The following ELMO1 variants were observed in gnomAD, a reference collection of about 807,000 sequenced individuals.
ELMO1 encodes engulfment and cell motility 1.
In ELMO1, 26 loss-of-function variants were observed where a neutral mutation model predicts 98.9. The ratio of observed to expected loss-of-function variants is 0.26; its 90% confidence interval spans 0.19 to 0.36. The LOEUF (loss-of-function observed/expected upper bound fraction) is 0.36, where lower values mean the gene tolerates loss of function less well. Among genes scored for constraint, ELMO1 ranks in the 10% least tolerant of loss-of-function variants. The pLI, the probability that ELMO1 is intolerant of heterozygous loss-of-function variation, is 1.00. For missense variants in ELMO1, 627 were observed against 935.2 expected (o/e 0.67, Z 4.30); for synonymous variants, 346 against 346.0 (o/e 1.00, Z 0.00).
intron 20 of ELMO1, among the ~76,000 whole-genome samples, chr7:36,865,748 T>C (rs1033284275): frequency 2.0e-5 from 3 of 152,214 alleles, no homozygotes; most frequent in African/African-American, 7.2e-5. Context: ...ACATATTGAA[T>C]TGTAATTGCA....
Position 37,175,598 on chromosome 7 carries a change from C to T in ELMO1, c.1086+35788G>A, listed in dbSNP as rs146548466. ...CTGTGGCTCATGCCTGTAATCCTAG[C>T]ACTTTGGGAGGCCAAGGCAGGCAGA... On this transcript the variant is annotated intron_variant, in intron 13 of 21. Coordinates refer to ENST00000310758, the MANE Select transcript of ELMO1 (RefSeq NM_014800.11). Among the ~76,000 whole-genome samples, 815 of 152,304 alleles carry T rather than the reference C, an allele frequency of 5.4e-3. 5 individuals carry two copies. Among genetic ancestry groups the T allele is most frequent in the African/African-American group, 0.019 (788 of 41,562 alleles).
rs538770299 is a variant in ELMO1, at chr7:36,859,261, G to A, written c.1983+2398C>T. ...GACATCTGAAAACTGACTGCACATG[G>A]TTTAATAAATAAATACCACATTATT... On this transcript the variant is annotated intron_variant, in intron 21 of 21. Coordinates refer to ENST00000310758, the MANE Select transcript of ELMO1 (RefSeq NM_014800.11). Among the ~76,000 whole-genome samples the A allele has an allele frequency of 7.9e-5, 12 of 152,298 alleles. No homozygotes were observed. The South Asian group carries it at 1.0e-3, about 13-fold the overall frequency.
chr7:37,367,388 T>G (rs1201418227), intron 1 of ELMO1, among the ~76,000 whole-genome samples: 1 of 152,206 alleles, frequency 6.6e-6, no homozygotes, highest in African/African-American at 2.4e-5. Context: ...GTAAACTCTA[T>G]GAGGGCAGGG....
chr7:36,946,058 G>A (rs751767513), intron 16 of ELMO1, among the ~76,000 whole-genome samples: 3 of 152,246 alleles, frequency 2.0e-5, no homozygotes, highest in African/African-American at 2.4e-5. Flanking sequence ...CACAGCAGAG[G>A]TAGCCTGAGC....
At chr7:37,025,765 T>C (rs1794530653) in intron 15 of ELMO1, among the ~76,000 whole-genome samples, 1 of 151,936 alleles carries the variant, frequency 6.6e-6, no homozygotes, top group African/African-American at 2.4e-5. Context: ...TCAGCCTTCA[T>C]AACTACATGA....
At chr7:37,082,150 C>T (rs893211070) in intron 15 of ELMO1, among the ~76,000 whole-genome samples, 4 of 152,160 alleles carry the variant, frequency 2.6e-5, no homozygotes, top group African/African-American at 7.2e-5. Flanking sequence ...GCTGTTTCCA[C>T]GTAAAGATGG....
intron 15 of ELMO1, among the ~76,000 whole-genome samples, chr7:37,043,397 T>C (rs1795631606): frequency 6.6e-6 from 1 of 152,084 alleles, no homozygotes; most frequent in Admixed American, 6.5e-5. Context: ...TAAGAATTAG[T>C]GGTGCCCCAG....
At chr7:37,276,169 C>A (rs1268232187) in intron 4 of ELMO1, among the ~76,000 whole-genome samples, 1 of 152,156 alleles carries the variant, frequency 6.6e-6, no homozygotes, top group Non-Finnish European at 1.5e-5. Context: ...GAGGATACTG[C>A]CTATTTCCTA....
chr7:37,298,299 T>A (rs1055724152), intron 4 of ELMO1, among the ~76,000 whole-genome samples: 5 of 63,942 alleles, frequency 7.8e-5, no homozygotes, highest in African/African-American at 2.7e-4. Context: ...TTTTTTTTTT[T>A]AAGAGTTTTT....
intron 2 of ELMO1, among the ~76,000 whole-genome samples, chr7:37,337,380 G>C (rs946500415): frequency 6.6e-6 from 1 of 151,920 alleles, no homozygotes; most frequent in African/African-American, 2.4e-5. Flanking sequence ...CTCTTGTGGG[G>C]TAAGGGAAGG....
At chr7:37,239,728 C>G (rs1346751146) in intron 7 of ELMO1, among the ~76,000 whole-genome samples, 1 of 152,204 alleles carries the variant, frequency 6.6e-6, no homozygotes, top group African/African-American at 2.4e-5. Flanking sequence ...GAAAATGTCT[C>G]AGCCAACTCA....
At chr7:37,255,626 G>A (rs534420894) in intron 6 of ELMO1, among the ~76,000 whole-genome samples, 40 of 152,222 alleles carry the variant, frequency 2.6e-4, no homozygotes, top group African/African-American at 9.1e-4. Context: ...TCTTTACCAC[G>A]GTAAAGTAAC....
At chr7:37,435,467 G>A (rs754036036) in intron 1 of ELMO1, among the ~76,000 whole-genome samples, 51 of 152,294 alleles carry the variant, frequency 3.3e-4, no homozygotes, top group African/African-American at 9.6e-4. Context: ...TCTGGATTTC[G>A]AAAGGGTGAA....
At chr7:37,055,566 G>T (rs1366658365) in intron 15 of ELMO1, among the ~76,000 whole-genome samples, 1 of 152,158 alleles carries the variant, frequency 6.6e-6, no homozygotes, top group Non-Finnish European at 1.5e-5. Context: ...TGCAGGATCT[G>T]CCCCAATCAG....
intron 16 of ELMO1, among the ~76,000 whole-genome samples, chr7:36,965,106 T>C (rs895197122): frequency 4.1e-4 from 63 of 152,184 alleles, no homozygotes; most frequent in African/African-American, 1.4e-3. Flanking sequence ...GTGGCCACTC[T>C]TCCTCAGCAT....
intron 4 of ELMO1, among the ~76,000 whole-genome samples, chr7:37,278,640 G>A (rs1417832277): frequency 6.6e-6 from 1 of 152,186 alleles, no homozygotes; most frequent in Non-Finnish European, 1.5e-5. Flanking sequence ...TGGATTTAGG[G>A]TTTTCCTAAC....
chr7:37,190,786 C>T (rs1791517690), intron 13 of ELMO1, among the ~76,000 whole-genome samples: 1 of 152,122 alleles, frequency 6.6e-6, no homozygotes, highest in Non-Finnish European at 1.5e-5. Context: ...AGGCGTGAGC[C>T]ACTGCACCCA....
At chr7:36,908,656 T>C (rs1186833228) in intron 16 of ELMO1, among the ~76,000 whole-genome samples, 2 of 152,190 alleles carry the variant, frequency 1.3e-5, no homozygotes, top group Non-Finnish European at 2.9e-5. Flanking sequence ...AACTACATAG[T>C]GTAATGGCAG....
intron 7 of ELMO1, among the ~76,000 whole-genome samples, chr7:37,234,505 C>T (rs1165342183): frequency 2.0e-5 from 3 of 152,260 alleles, no homozygotes; most frequent in Admixed American, 1.3e-4. Flanking sequence ...CAGGGAAAGA[C>T]AATGATCCAA....
Sources: allele counts gnomAD v4.1 joint callset (sites outside exome capture counted in the v4.1 genomes callset), GRCh38; gene constraint gnomAD v4.1.1; transcripts MANE v1.5; gene names NCBI Gene and HGNC (gene_info 2026-07-23, HGNC 2026-07-21).